The following RNLS variants were observed in gnomAD, a reference collection of about 807,000 sequenced individuals.
RNLS encodes the protein renalase, FAD dependent amine oxidase.
A neutral mutation model predicts 39.8 loss-of-function variants in RNLS; 39 were observed. That is an observed-to-expected ratio of 0.98 (90% CI 0.76 to 1.28). The LOEUF is 1.28. RNLS is among the 50% of genes most tolerant of loss of function. The probability of loss-of-function intolerance (pLI) is 0.00; values close to 1 mark genes in which losing one functional copy is unlikely to be tolerated. For missense variants in RNLS, 410 were observed against 413.3 expected, an observed-to-expected ratio of 0.99 and a Z score of 0.07; for synonymous variants, 147 against 150.7, an observed-to-expected ratio of 0.98 and a Z score of 0.18.
intron 4 of RNLS, among the ~76,000 whole-genome samples, chr10:88,531,105 C>T (rs1278064961): frequency 5.3e-5 from 8 of 151,942 alleles, no homozygotes; most frequent in Non-Finnish European, 1.2e-4. Flanking sequence ...CAGTGAATGT[C>T]CCTAAAGCCA....
At chr10:88,490,730 T>G (rs79368486) in intron 4 of RNLS, among the ~76,000 whole-genome samples, 3 of 152,302 alleles carry the variant, frequency 2.0e-5, no homozygotes, top group Non-Finnish European at 4.4e-5. Context: ...TAAACCTTTT[T>G]CTTATAACAT....
intron 4 of RNLS, among the ~76,000 whole-genome samples, chr10:88,374,442 A>AT (rs1363887850): frequency 6.6e-6 from 1 of 152,128 alleles, no homozygotes; most frequent in African/African-American, 2.4e-5. Context: ...CTTCTTTCTT[A>AT]TGACATATTC....
chr10:88,529,100 C>T (rs1196444130), intron 4 of RNLS, among the ~76,000 whole-genome samples: 1 of 152,156 alleles, frequency 6.6e-6, no homozygotes, highest in Non-Finnish European at 1.5e-5. Context: ...CTTCCTTACT[C>T]TTTATACTTC....
At chr10:88,320,931 G>A (rs566734019) in intron 5 of RNLS, among the ~76,000 whole-genome samples, 126 of 149,624 alleles carry the variant, frequency 8.4e-4, no homozygotes, top group Non-Finnish European at 1.2e-3. Flanking sequence ...GACTTAAATT[G>A]GACTCTTGAC....
chr10:88,334,470 G>A (rs1372980597), intron 5 of RNLS, among the ~76,000 whole-genome samples: 2 of 152,116 alleles, frequency 1.3e-5, no homozygotes, highest in Non-Finnish European at 2.9e-5. Context: ...CTCATCAAAT[G>A]CTATTTGAAA....
intron 4 of RNLS, among the ~76,000 whole-genome samples, chr10:88,508,422 T>C (rs531396269): frequency 1.3e-5 from 2 of 152,300 alleles, no homozygotes; most frequent in East Asian, 3.9e-4. Flanking sequence ...AGATAATGTA[T>C]GATAAGGTCT....
intron 4 of RNLS, among the ~76,000 whole-genome samples, chr10:88,392,852 T>A (rs545274327): frequency 3.7e-4 from 57 of 152,324 alleles, no homozygotes; most frequent in African/African-American, 1.3e-3. Flanking sequence ...TCAAGTGGGC[T>A]TCATCCCTGG....
intron 6 of RNLS, among the ~76,000 whole-genome samples, chr10:88,298,514 A>G (rs535206489): frequency 2.6e-5 from 4 of 152,322 alleles, no homozygotes; most frequent in Non-Finnish European, 4.4e-5. Flanking sequence ...TTTCGTGTGC[A>G]GTGTGATGTA....
the RNLS span, among the ~76,000 whole-genome samples, chr10:88,184,584 A>G: frequency 6.6e-6 from 1 of 152,140 alleles, no homozygotes; most frequent in African/African-American, 2.4e-5. Context: ...CTACACATTC[A>G]TAACAACTAT....
the RNLS span, among the ~76,000 whole-genome samples, chr10:88,232,907 G>A: frequency 6.6e-6 from 1 of 152,140 alleles, no homozygotes; most frequent in Non-Finnish European, 1.5e-5. Context: ...ACTATTAAAG[G>A]AGTACCTACT....
the RNLS span, among the ~76,000 whole-genome samples, chr10:88,197,950 A>T: frequency 6.6e-6 from 1 of 152,230 alleles, no homozygotes; most frequent in African/African-American, 2.4e-5. Context: ...TGTTTAAACC[A>T]CTTAGTCTGT....
At chr10:88,299,831 T>C (rs1337719901) in intron 6 of RNLS, among the ~76,000 whole-genome samples, 1 of 152,226 alleles carries the variant, frequency 6.6e-6, no homozygotes, top group Non-Finnish European at 1.5e-5. Flanking sequence ...TTAAGAAAAA[T>C]GTTCAATAGG....
chr10:88,551,175 T>G (rs963107301), intron 4 of RNLS, among the ~76,000 whole-genome samples: 2 of 152,188 alleles, frequency 1.3e-5, no homozygotes, highest in African/African-American at 4.8e-5. Context: ...GGCCAAGATA[T>G]AGAAGAAAAG....
chr10:88,495,792 T>C (rs1376243194), intron 4 of RNLS, among the ~76,000 whole-genome samples: 1 of 152,058 alleles, frequency 6.6e-6, no homozygotes, highest in Non-Finnish European at 1.5e-5. Context: ...AAGGAATCCG[T>C]GGTTAAAGGC....
intron 4 of RNLS, among the ~76,000 whole-genome samples, chr10:88,454,471 T>G (rs894021863): frequency 6.6e-5 from 10 of 152,216 alleles, no homozygotes; most frequent in Admixed American, 6.5e-4. Flanking sequence ...TAGCAGGGGC[T>G]TTGTTCTTTA....
chr10:88,336,063 C>T (rs1847470631), intron 5 of RNLS, among the ~76,000 whole-genome samples: 2 of 152,262 alleles, frequency 1.3e-5, no homozygotes, highest in Admixed American at 6.5e-5. Context: ...TGAATGAACA[C>T]GGCAGGGTCA....
intron 6 of RNLS, among the ~76,000 whole-genome samples, chr10:88,288,509 G>T (rs1843443269): frequency 6.6e-6 from 1 of 152,128 alleles, no homozygotes; most frequent in African/African-American, 2.4e-5. Context: ...GTGTGTCTAT[G>T]TATAATTTGC....
intron 4 of RNLS, among the ~76,000 whole-genome samples, chr10:88,388,696 T>C (rs1348040568): frequency 1.3e-5 from 2 of 152,164 alleles, no homozygotes; most frequent in East Asian, 3.8e-4. Context: ...TTATTAACTT[T>C]CTGTGACCTC....
chr10:88,394,069 G>C (rs1328022263), intron 4 of RNLS, among the ~76,000 whole-genome samples: 1 of 152,088 alleles, frequency 6.6e-6, no homozygotes, highest in Non-Finnish European at 1.5e-5. Flanking sequence ...TTAAATGTTA[G>C]ACCTAAAACC....
Sources: allele counts gnomAD v4.1 joint callset (sites outside exome capture counted in the v4.1 genomes callset), GRCh38; gene constraint gnomAD v4.1.1; transcripts MANE v1.5; gene names NCBI Gene and HGNC (gene_info 2026-07-23, HGNC 2026-07-21).